ANKH: variants seen among roughly 807,000 people sequenced by gnomAD.
ANKH encodes ANKH inorganic pyrophosphate transport regulator.
Under a neutral mutation model 49.0 loss-of-function variants are expected in ANKH, and 15 were observed. That is an observed-to-expected ratio of 0.31 (90% confidence interval 0.20 to 0.47). ANKH has a LOEUF of 0.47. ANKH is among the 20% of genes least tolerant of loss of function. The pLI is 1.00. For missense variants in ANKH, 429 were observed against 652.0 expected (o/e 0.66, Z 3.72); for synonymous variants, 273 against 260.0 (o/e 1.05, Z -0.48).
rs1736955502 is a variant in ANKH at position 14,706,657 on chromosome 5, T to TTTC, written c.*4539_*4540insGAA. 6.6e-6 allele frequency: 1 copy of TTTC among 152,256 alleles called. No individual in the cohort carries two copies. The highest frequency in any genetic ancestry group is 2.4e-5 in the African/African-American group (1 of 41,470). 9.4% of individuals were successfully genotyped at this position (152,256 alleles called of 1,614,324 possible). On this transcript the variant is annotated 3_prime_UTR_variant, in exon 12 of 12. Coordinates refer to ENST00000284268, the MANE Select transcript of ANKH (RefSeq NM_054027.6). ...TGCATGATTTTAGACATTTTGCCTT[T>TTTC]AAAAGGGCAGGCAACAGGCCCTTTT... is the stretch of plus-strand genomic sequence containing the variant.
chr5:14,716,178 T>C (rs1272754708), intron 9 of ANKH, among the ~76,000 whole-genome samples: 2 of 152,230 alleles, frequency 1.3e-5, no homozygotes, highest in African/African-American at 4.8e-5. Context: ...TACTTCCTTT[T>C]TACTGTTTTT....
intron 5 of ANKH, among the ~76,000 whole-genome samples, 170 bp downstream of exon 5, chr5:14,750,899 A>G (rs1043000568): frequency 1.3e-5 from 2 of 152,202 alleles, no homozygotes; most frequent in African/African-American, 4.8e-5. Flanking sequence ...AGAGTTCATT[A>G]ATCCTCCAAC....
chr5:14,796,025 C>T (rs1306129948), intron 1 of ANKH, among the ~76,000 whole-genome samples: 1 of 152,136 alleles, frequency 6.6e-6, no homozygotes, highest in Non-Finnish European at 1.5e-5. Context: ...TATTTTCCTT[C>T]CCAATTGTCA....
At chr5:14,758,146 C>T (rs1738960274) in intron 3 of ANKH, among the ~76,000 whole-genome samples, 1 of 152,230 alleles carries the variant, frequency 6.6e-6, no homozygotes, top group African/African-American at 2.4e-5. Context: ...ACTCTGAAGA[C>T]ACGCTCAGTG....
Position 14,758,569 on chromosome 5 carries a change from T to C in ANKH, c.343A>G (p.Asn115Asp). 6.2e-7 allele frequency: 1 copy of C among 1,613,992 alleles called. No individual in the cohort carries two copies. Among genetic ancestry groups the C allele is most frequent in the Non-Finnish European group, 8.5e-7 (1 of 1,179,822 alleles). The change falls in exon 3 of 12, where the codon AAT becomes GAT. Residue 115 changes from asparagine (N) to aspartate (D), a missense_variant. Asn to Asp is a conservative substitution (Grantham distance 23). This residue lies in a region of ANKH where 378 missense variants were observed against 615.3 expected (regional missense o/e 0.61). Transcript: ENST00000284268. Reference sequence around the variant, plus strand: ...GACTCGTCCACATGGTGCAGTTTATTGATAATGTAGTATCCTAAATCACTA... The same window carrying C: ...GACTCGTCCACATGGTGCAGTTTATCGATAATGTAGTATCCTAAATCACTA... ...AYSDLGYYII[N>D]KLHHVDESVG...
rs544093831 is a variant in ANKH at position 14,813,700 on chromosome 5, C to T, written c.97-44509G>A. ...CCTGGCACCTAATCTGTGTCTGCCA[C>T]AGCCATCAATCCAGCTCCAGCTCTA... is the stretch of plus-strand genomic sequence containing the variant. On this transcript the variant is annotated intron_variant, in intron 1 of 11. Transcript: ENST00000284268. Among the ~76,000 whole-genome samples the T allele has an allele frequency of 2.2e-4, 34 of 152,316 alleles. 1 individual carries two copies. In the South Asian group the frequency reaches 6.6e-3, roughly 30 times the overall value.
intron 1 of ANKH, among the ~76,000 whole-genome samples, chr5:14,859,843 ATT>A (rs1336682602): frequency 3.9e-5 from 6 of 152,226 alleles, no homozygotes; most frequent in Admixed American, 2.6e-4. Flanking sequence ...TAAAATATGA[ATT>A]TTACAAAAAC....
intron 8 of ANKH, 146 bp downstream of exon 8, chr5:14,741,681 G>C: frequency 1.5e-6 from 1 of 676,142 alleles, no homozygotes; most frequent in South Asian, 1.7e-5. Flanking sequence ...GTTCACATTT[G>C]AAGAAGAAAG....
rs1737075398 is a variant in ANKH, at chr5:14,709,485, T to G, written c.*1712A>C. On this transcript the variant is annotated 3_prime_UTR_variant, in exon 12 of 12. Transcript: ENST00000284268. ...AGCACTGGGTACCCAGGAATGTGAA[T>G]GCAACCCTGGCATGTTCACAGCTAA... The G allele has an allele frequency of 6.6e-6, 1 of 152,244 alleles. No homozygotes were observed. The highest frequency in any genetic ancestry group is 1.5e-5 in the Non-Finnish European group (1 of 68,050). 9.4% of individuals were successfully genotyped at this position (152,244 alleles called of 1,614,324 possible).
Position 14,713,405 on chromosome 5 carries a change from C to A in ANKH, c.1265+139G>T. On this transcript the variant is annotated intron_variant, in intron 10 of 11. Coordinates refer to ENST00000284268, the MANE Select transcript of ANKH (RefSeq NM_054027.6). The surrounding 1 kb of genome is among the most constrained non-coding windows in gnomAD (Gnocchi z 4.4). ...CAAGAGCCTCCACCTGGTGCCTGGGCAGACACACAAAACATCATTCTGAAT... is the reference window on the plus strand; with the variant it reads ...CAAGAGCCTCCACCTGGTGCCTGGGAAGACACACAAAACATCATTCTGAAT... 1.6e-6 allele frequency: 2 copies of A among 1,274,104 alleles called. No homozygotes were observed. The highest frequency in any genetic ancestry group is 4.0e-5 in the Admixed American group (2 of 50,474). The allele number at this position is 1,274,104 out of a possible 1,614,324, so 78.9% of individuals were successfully genotyped here.
At chr5:14,749,440 A>C (rs1738643404) in intron 5 of ANKH, 134 bp from the exon 6 acceptor site, 2 of 1,010,114 alleles carry the variant, frequency 2.0e-6, no homozygotes, top group South Asian at 2.7e-5. Context: ...TATAAGGAAA[A>C]GTGTCTGTAG....
chr5:14,778,184 G>A (rs1014676423), intron 1 of ANKH, among the ~76,000 whole-genome samples: 6 of 152,176 alleles, frequency 3.9e-5, no homozygotes, highest in African/African-American at 1.4e-4. Context: ...TCGCAGTCCT[G>A]GAGGTAGCTG....
chr5:14,812,073 T>A (rs1580087494), intron 1 of ANKH, among the ~76,000 whole-genome samples: 1 of 149,914 alleles, frequency 6.7e-6, no homozygotes, highest in Admixed American at 6.7e-5. Flanking sequence ...GCTGAGCTAC[T>A]TTCAATCACT....
intron 1 of ANKH, among the ~76,000 whole-genome samples, chr5:14,830,442 G>C (rs539152180): frequency 5.9e-5 from 9 of 152,096 alleles, no homozygotes; most frequent in Non-Finnish European, 1.0e-4. Context: ...AGGCTGCAGT[G>C]GGGGAAGGAA....
chr5:14,820,371 G>A (rs768858299), intron 1 of ANKH, among the ~76,000 whole-genome samples: 6 of 152,168 alleles, frequency 3.9e-5, no homozygotes, highest in Non-Finnish European at 7.3e-5. Context: ...AAGTTACTCT[G>A]ACACTTGTTA....
chr5:14,853,567 ACT>A (rs1742174753), intron 1 of ANKH, among the ~76,000 whole-genome samples: 1 of 151,972 alleles, frequency 6.6e-6, no homozygotes, highest in African/African-American at 2.4e-5. Flanking sequence ...ACAGAACAAG[ACT>A]CTGTCTCAAT....
At chr5:14,757,600 T>C (rs1215759004) in intron 3 of ANKH, among the ~76,000 whole-genome samples, 4 of 152,018 alleles carry the variant, frequency 2.6e-5, no homozygotes, top group Non-Finnish European at 2.9e-5. Context: ...ACCCTACCAG[T>C]ATGTTCAACA....
intron 1 of ANKH, among the ~76,000 whole-genome samples, chr5:14,800,707 G>A (rs1324957589): frequency 6.6e-6 from 1 of 151,218 alleles, no homozygotes; most frequent in Non-Finnish European, 1.5e-5. Context: ...ATAGTATAGA[G>A]CAAATATAAC....
At chr5:14,750,718 C>T (rs1024271802) in intron 5 of ANKH, among the ~76,000 whole-genome samples, 2 of 152,178 alleles carry the variant, frequency 1.3e-5, no homozygotes, top group Non-Finnish European at 1.5e-5. Flanking sequence ...GAAATATAAA[C>T]TCAAAGGTAT....
Sources: allele counts gnomAD v4.1 joint callset (sites outside exome capture counted in the v4.1 genomes callset), GRCh38; gene constraint gnomAD v4.1.1; regional missense constraint gnomAD v4.1.1; non-coding constraint Gnocchi (gnomAD v3.1); transcripts MANE v1.5; gene names NCBI Gene and HGNC (gene_info 2026-07-23, HGNC 2026-07-21).